C17orf67: variants seen among roughly 807,000 people sequenced by gnomAD.
C17orf67 encodes chromosome 17 open reading frame 67, also known as uncharacterized protein C17orf67.
In C17orf67, 12 loss-of-function variants were observed where a neutral mutation model predicts 11.2. That is an observed-to-expected ratio of 1.07 (90% CI 0.68 to 1.73). C17orf67 has a LOEUF of 1.73. Ranked by LOEUF, C17orf67 falls within the 40% of genes most tolerant of loss-of-function variation. The pLI is 0.00. For missense variants in C17orf67, 115 were observed against 113.5 expected (o/e 1.01, Z -0.06); for synonymous variants, 59 against 46.9 (o/e 1.26, Z -1.05).
chr17:56,822,633 A>G (rs1041054322), intron 4 of C17orf67, among the ~76,000 whole-genome samples: 11 of 152,222 alleles, frequency 7.2e-5, no homozygotes, highest in Admixed American at 3.3e-4. Context: ...CTCTTTGCAT[A>G]TGCACTCTAT....
chr17:56,827,961 C>T (rs1318835317), intron 2 of C17orf67, among the ~76,000 whole-genome samples: 1 of 152,150 alleles, frequency 6.6e-6, no homozygotes, highest in Non-Finnish European at 1.5e-5. Context: ...AATCCCAGCA[C>T]TTTGGGAGGC....
In C17orf67 at chr17:56,794,996, C is replaced by T. The variant is rs369755539; in HGVS notation, c.*20+48G>A. 9 of 1,360,036 alleles carry T rather than the reference C, an allele frequency of 6.6e-6. No homozygotes were observed. The East Asian group carries it at 6.9e-5, about 10-fold the overall frequency. 84.2% of individuals were successfully genotyped at this position (1,360,036 alleles called of 1,614,324 possible). ...GTCTCCCAGCCCATGCCATGCTGTC[C>T]CCCACCACTCCCTCAGACAGAGGTC... On this transcript the variant is annotated intron_variant, in intron 7 of 7. Transcript: ENST00000397861.
chr17:56,795,079 C>A lies in C17orf67; in HGVS notation c.258G>T (p.Arg86Ser), dbSNP rs781327838. Residue 86 changes from arginine (R) to serine (S), a missense_variant, in exon 7 of 8, where the codon AGG becomes AGT. Arg to Ser is a moderately radical substitution (Grantham distance 110). Coordinates refer to ENST00000397861, the MANE Select transcript of C17orf67 (RefSeq NM_001085430.4). The stretch of plus-strand genomic sequence containing the variant: ...CCTGATCCCCTTACACAGGATGAAT[C>A]CTGTTCCTGTCACAGTGGGGTTTGC... Reference protein sequence around the residue: ...PHCKPHCDRNRIHPV With the variant: ...PHCKPHCDRNSIHPV 13 of 1,613,842 alleles carry A rather than the reference C, an allele frequency of 8.1e-6. No individual in the cohort carries two copies. Among genetic ancestry groups the A allele is most frequent in the African/African-American group, 1.3e-5 (1 of 74,914 alleles).
chr17:56,831,705 G>A (rs1006372331), intron 2 of C17orf67, among the ~76,000 whole-genome samples: 7 of 152,112 alleles, frequency 4.6e-5, no homozygotes, highest in African/African-American at 1.7e-4. Context: ...CCCATTAGGG[G>A]ACTTGAGTTG....
chr17:56,822,369 G>A (rs1905924859), intron 4 of C17orf67, among the ~76,000 whole-genome samples: 2 of 152,282 alleles, frequency 1.3e-5, no homozygotes, highest in South Asian at 4.1e-4. Flanking sequence ...GGGCAGCAGA[G>A]TCATCAACAG....
intron 6 of C17orf67, among the ~76,000 whole-genome samples, chr17:56,807,122 A>C (rs1048051364): frequency 1.4e-5 from 2 of 144,802 alleles, no homozygotes; most frequent in African/African-American, 5.8e-5. Context: ...GGTGAGCTTT[A>C]AAGCCACATG....
At chr17:56,793,467 G>T (rs754269151) in intron 7 of C17orf67, among the ~76,000 whole-genome samples, 6 of 152,188 alleles carry the variant, frequency 3.9e-5, no homozygotes, top group Non-Finnish European at 7.3e-5. Context: ...AGAGGCCTCA[G>T]TCACCCTTGG....
intron 6 of C17orf67, among the ~76,000 whole-genome samples, chr17:56,813,032 A>C (rs1905667931): frequency 6.6e-6 from 1 of 152,134 alleles, no homozygotes; most frequent in Non-Finnish European, 1.5e-5. Context: ...TGGCACAGAA[A>C]ATGTCAGGGG....
intron 2 of C17orf67, among the ~76,000 whole-genome samples, chr17:56,828,877 AGAGATTGAGG>A (rs1906115029): frequency 6.6e-6 from 1 of 150,378 alleles, no homozygotes; most frequent in Non-Finnish European, 1.5e-5. Flanking sequence ...AAAACACTGC[AGAGATTGAGG>A]GATCCTTAGA....
intron 2 of C17orf67, among the ~76,000 whole-genome samples, chr17:56,827,919 A>C (rs1906081759): frequency 6.6e-6 from 1 of 152,260 alleles, no homozygotes; most frequent in Non-Finnish European, 1.5e-5. Flanking sequence ...AAAAATGTGG[A>C]TGCTGGGCCG....
chr17:56,809,902 C>T (rs1368859481), intron 6 of C17orf67, among the ~76,000 whole-genome samples: 1 of 147,082 alleles, frequency 6.8e-6, no homozygotes, highest in East Asian at 2.1e-4. Flanking sequence ...CCCTTACACA[C>T]ACCCTTACAC....
intron 6 of C17orf67, among the ~76,000 whole-genome samples, chr17:56,801,957 C>G (rs955494774): frequency 2.0e-5 from 3 of 152,346 alleles, no homozygotes; most frequent in African/African-American, 7.2e-5. Context: ...GAGTCTCCTT[C>G]AAACCTGGAC....
chr17:56,818,156 T>TAAAAAAA (rs952874915), intron 4 of C17orf67, among the ~76,000 whole-genome samples: 1 of 139,706 alleles, frequency 7.2e-6, no homozygotes, highest in Non-Finnish European at 1.6e-5. Context: ...TAGCATTATT[T>TAAAAAAA]AAAAAAAAAA....
chr17:56,822,691 T>C (rs1042047956), intron 4 of C17orf67, among the ~76,000 whole-genome samples: 1 of 152,196 alleles, frequency 6.6e-6, no homozygotes, highest in Non-Finnish European at 1.5e-5. Flanking sequence ...TCACACGTAT[T>C]AAGACACACA....
intron 6 of C17orf67, 101 bp downstream of exon 6, chr17:56,814,767 AC>A: frequency 4.5e-6 from 5 of 1,116,274 alleles, no homozygotes; most frequent in Non-Finnish European, 6.8e-6. Context: ...CTCTAACCAA[AC>A]CCCTAACTAG....
chr17:56,792,906 ATGGTGGTGGTGATGATGGTGT>A (rs1905141230), intron 7 of C17orf67, among the ~76,000 whole-genome samples: 1 of 3,798 alleles, frequency 2.6e-4, no homozygotes, highest in Non-Finnish European at 6.6e-4. Flanking sequence ...GGTGGGGGTG[ATGGTGGTGGTGATGATGGTGT>A]GGGTAATGGT....
intron 6 of C17orf67, among the ~76,000 whole-genome samples, chr17:56,798,411 C>T (rs1905252256): frequency 6.6e-6 from 1 of 152,152 alleles, no homozygotes; most frequent in Non-Finnish European, 1.5e-5. Context: ...CACACAGGCA[C>T]AGCCTCCCCC....
chr17:56,825,160 C>T lies in C17orf67; in HGVS notation c.-395G>A, dbSNP rs1396863320. 1 of 152,200 alleles carries T rather than the reference C, an allele frequency of 6.6e-6. No individual in the cohort carries two copies. Among genetic ancestry groups the T allele is most frequent in the Non-Finnish European group, 1.5e-5 (1 of 68,042 alleles). The allele number at this position is 152,200 out of a possible 1,614,324, so 9.4% of individuals were successfully genotyped here. A position where few individuals can be genotyped will look rare whatever the true frequency, so the allele number is the denominator to read the frequency against. The stretch of plus-strand genomic sequence containing the variant: ...AGAGACCTGGTCAGGACCACAGAAT[C>T]TATATTTTAAAATGATGCTGATGCA... On this transcript the variant is annotated 5_prime_UTR_variant, in exon 3 of 8. An upstream open reading frame in the 5' UTR loses its in-frame stop. Coordinates refer to ENST00000397861, the MANE Select transcript of C17orf67 (RefSeq NM_001085430.4).
chr17:56,806,113 T>C (rs1905444144), intron 6 of C17orf67, among the ~76,000 whole-genome samples: 1 of 151,422 alleles, frequency 6.6e-6, no homozygotes, highest in Non-Finnish European at 1.5e-5. Context: ...TAGCTGGGAC[T>C]ACAGGTACCC....
Sources: gnomAD v4.1 joint callset for allele counts (sites outside exome capture counted in the v4.1 genomes callset) on GRCh38, gnomAD v4.1.1 for gene constraint, MANE v1.5 for transcripts, NCBI Gene and HGNC (gene_info 2026-07-23, HGNC 2026-07-21) for gene names.